Variants in ASCC2 observed in about 807,000 individuals in gnomAD.
ASCC2 encodes the protein ASC-1 complex subunit P100.
ASCC2 carries 42 observed loss-of-function variants against 93.5 expected under a neutral mutation model. The ratio of observed to expected loss-of-function variants is 0.45; its 90% CI spans 0.35 to 0.58. The LOEUF is 0.58. Among genes scored for constraint, ASCC2 ranks in the 20% least tolerant of loss-of-function variants. The pLI, the probability that ASCC2 is intolerant of heterozygous loss-of-function variation, is 0.00. For missense variants in ASCC2, 859 were observed against 977.6 expected, an observed-to-expected ratio of 0.88 and a Z score of 1.62; for synonymous variants, 364 against 384.2, an observed-to-expected ratio of 0.95 and a Z score of 0.62.
At chr22:29,796,284 AT>A (rs397974160) in intron 15 of ASCC2, among the ~76,000 whole-genome samples, 15 of 150,862 alleles carry the variant, frequency 9.9e-5, no homozygotes, top group East Asian at 5.8e-4. Context: ...AATTTTTTGT[AT>A]TTTTTTTTAG....
At chr22:29,796,576 G>A (rs563150899) in intron 15 of ASCC2, among the ~76,000 whole-genome samples, 57 of 152,258 alleles carry the variant, frequency 3.7e-4, no homozygotes, top group Non-Finnish European at 5.1e-4. Context: ...AGGAGGGATG[G>A]TGCACTTGAT....
chr22:29,817,003 G>A (rs770591526), intron 5 of ASCC2, among the ~76,000 whole-genome samples: 4 of 152,294 alleles, frequency 2.6e-5, no homozygotes, highest in South Asian at 2.1e-4. Flanking sequence ...TTTCCTTATC[G>A]ATGACCATGC....
intron 5 of ASCC2, among the ~76,000 whole-genome samples, chr22:29,820,626 T>C (rs2061433368): frequency 6.6e-6 from 1 of 151,918 alleles, no homozygotes; most frequent in Non-Finnish European, 1.5e-5. Flanking sequence ...TTAACACATA[T>C]TATCTTTACC....
At chr22:29,801,523 G>A (rs576840788) in intron 14 of ASCC2, among the ~76,000 whole-genome samples, 11 of 152,308 alleles carry the variant, frequency 7.2e-5, no homozygotes, top group Non-Finnish European at 1.5e-4. Flanking sequence ...AACATCACTT[G>A]CTCATGGAAG....
rs2061658180 is a variant in ASCC2 at position 29,822,263 on chromosome 22, G to A, written c.541+72C>T. On this transcript the variant is annotated intron_variant, in intron 5 of 19. Coordinates refer to ENST00000307790, the MANE Select transcript of ASCC2 (RefSeq NM_032204.5). The stretch of plus-strand genomic sequence containing the variant: ...AGTCCCTGGGCACTGTCAAAGCGCT[G>A]GCCTTTGCAACCTTTAGTTTGGCAT... 4.4e-6 allele frequency: 7 copies of A among 1,595,040 alleles called. No homozygotes were observed. In the Admixed American group the frequency reaches 1.2e-4, roughly 27 times the overall value.
chr22:29,831,630 AAAC>A (rs941684718), intron 2 of ASCC2, among the ~76,000 whole-genome samples: 3 of 152,168 alleles, frequency 2.0e-5, no homozygotes, highest in Admixed American at 1.3e-4. Flanking sequence ...ATTCTTGGGA[AAAC>A]AACAAGTGGG....
intron 5 of ASCC2, among the ~76,000 whole-genome samples, chr22:29,821,461 A>G (rs891144628): frequency 5.9e-5 from 9 of 152,204 alleles, no homozygotes; most frequent in Non-Finnish European, 1.3e-4. Flanking sequence ...CCTCTCAGGC[A>G]AGTCCCCTAC....
chr22:29,826,318 T>C (rs958799677), intron 2 of ASCC2, among the ~76,000 whole-genome samples: 1 of 151,850 alleles, frequency 6.6e-6, no homozygotes. Context: ...ACTTTTGTTT[T>C]GTTTTGTTTT....
At chr22:29,834,330 G>T in intron 1 of ASCC2, 3 of 363,620 alleles carry the variant, frequency 8.3e-6, no homozygotes, top group South Asian at 6.4e-5. Context: ...GGCCAGGGAA[G>T]AAGGGTGCCC....
chr22:29,805,367 C>T (rs1194929666), intron 12 of ASCC2, among the ~76,000 whole-genome samples: 1 of 152,172 alleles, frequency 6.6e-6, no homozygotes, highest in African/African-American at 2.4e-5. Flanking sequence ...TAGACTCCCT[C>T]ACTGCTTCTT....
chr22:29,789,956 C>T (rs2068752859), intron 19 of ASCC2, among the ~76,000 whole-genome samples: 1 of 152,170 alleles, frequency 6.6e-6, no homozygotes, highest in Admixed American at 6.5e-5. Context: ...CTCGAAGATC[C>T]CTCTCCTGAC....
At chr22:29,832,404 C>T in intron 1 of ASCC2, 62 bp from the exon 2 acceptor site, 1 of 1,308,064 alleles carries the variant, frequency 7.6e-7, no homozygotes, top group East Asian at 2.4e-5. Context: ...GCAGGGCCTG[C>T]TCTGGGGCTG....
At chr22:29,793,521 C>T in intron 16 of ASCC2, 31 bp from the exon 17 acceptor site, 1 of 1,613,976 alleles carries the variant, frequency 6.2e-7, no homozygotes, top group Non-Finnish European at 8.5e-7. Context: ...GTCTGGGGGG[C>T]TCAGGGGCTG....
At chr22:29,824,230 A>T (rs2061982891) in intron 4 of ASCC2, among the ~76,000 whole-genome samples, 1 of 146,400 alleles carries the variant, frequency 6.8e-6, no homozygotes, top group South Asian at 2.2e-4. Context: ...AACACTTTTT[A>T]AAAAGATCCT....
intron 14 of ASCC2, 128 bp from the exon 15 acceptor site, chr22:29,801,238 C>A (rs1206262804): frequency 2.9e-5 from 37 of 1,255,110 alleles, no homozygotes; most frequent in Non-Finnish European, 3.9e-5. Context: ...TCCTAGGACA[C>A]AATCTCAAAA....
chr22:29,804,273 G>C (rs2059420970), intron 13 of ASCC2, among the ~76,000 whole-genome samples: 1 of 152,178 alleles, frequency 6.6e-6, no homozygotes, highest in Non-Finnish European at 1.5e-5. Flanking sequence ...CCAAACCATG[G>C]GACTTGGCAC....
intron 15 of ASCC2, among the ~76,000 whole-genome samples, chr22:29,800,244 G>A (rs1450185353): frequency 6.6e-6 from 1 of 152,108 alleles, no homozygotes; most frequent in Admixed American, 6.6e-5. Context: ...TTTAGCTCTC[G>A]GTCCCATGTC....
intron 5 of ASCC2, chr22:29,821,853 G>A (rs5763520): frequency 3.0e-5 from 11 of 366,620 alleles, no homozygotes; most frequent in Middle Eastern, 6.2e-4. Flanking sequence ...TTTTTAATTC[G>A]CCAGGCATGG....
intron 12 of ASCC2, 107 bp downstream of exon 12, chr22:29,806,109 C>T (rs780193104): frequency 1.4e-5 from 17 of 1,258,452 alleles, no homozygotes; most frequent in African/African-American, 8.8e-5. Context: ...CTGACCCATG[C>T]GTTCTGGGGC....
Sources: allele counts gnomAD v4.1 joint callset (sites outside exome capture counted in the v4.1 genomes callset), GRCh38; gene constraint gnomAD v4.1.1; transcripts MANE v1.5; gene names NCBI Gene and HGNC (gene_info 2026-07-23, HGNC 2026-07-21).